NCOA2: variants seen among roughly 807,000 people sequenced by gnomAD.
NCOA2 encodes nuclear receptor coactivator 2.
A neutral mutation model predicts 145.1 loss-of-function variants in NCOA2; 21 were observed. That is an observed-to-expected ratio of 0.14 (90% CI 0.10 to 0.21). NCOA2 has a LOEUF of 0.21. Among genes scored for constraint, NCOA2 ranks in the 10% least tolerant of loss-of-function variants. The pLI, the probability that NCOA2 is intolerant of heterozygous loss-of-function variation, is 1.00. For missense variants in NCOA2, 1,472 were observed against 1,837.6 expected, an observed-to-expected ratio of 0.80 and a Z score of 3.64; for synonymous variants, 619 against 637.5, an observed-to-expected ratio of 0.97 and a Z score of 0.44.
the NCOA2 span, among the ~76,000 whole-genome samples, chr8:70,427,376 A>G: frequency 3.9e-5 from 6 of 152,378 alleles, no homozygotes; most frequent in African/African-American, 9.6e-5. Context: ...ATATCTGAGC[A>G]TAAGTAGGGA....
intron 1 of NCOA2, among the ~76,000 whole-genome samples, chr8:70,403,004 C>T (rs1448508795): frequency 1.4e-5 from 2 of 145,376 alleles, no homozygotes; most frequent in Admixed American, 1.4e-4. Flanking sequence ...GGGGCTGACA[C>T]GGGCCCGGGC....
chr8:70,258,321 T>C (rs1189975712), intron 2 of NCOA2, among the ~76,000 whole-genome samples: 1 of 152,240 alleles, frequency 6.6e-6, no homozygotes, highest in Non-Finnish European at 1.5e-5. Context: ...TTCATGTAAA[T>C]GAGACCCAAT....
intron 13 of NCOA2, among the ~76,000 whole-genome samples, chr8:70,144,340 T>TTTTA (rs776206288): frequency 9.9e-5 from 15 of 152,262 alleles, no homozygotes; most frequent in East Asian, 9.6e-4. Flanking sequence ...CCTGGAGTAA[T>TTTTA]TTTATATATA....
At chr8:70,210,155 CTG>C (rs946988186) in intron 4 of NCOA2, among the ~76,000 whole-genome samples, 7 of 152,208 alleles carry the variant, frequency 4.6e-5, no homozygotes, top group Admixed American at 2.0e-4. Flanking sequence ...CTTAACCACT[CTG>C]TGTCTCAGGT....
intron 22 of NCOA2, among the ~76,000 whole-genome samples, chr8:70,114,460 T>C (rs1034746670): frequency 6.6e-6 from 1 of 152,240 alleles, no homozygotes; most frequent in Non-Finnish European, 1.5e-5. Flanking sequence ...ATGATTTTCT[T>C]TGGCTACCGA....
At chr8:70,389,960 C>A (rs1234097006) in intron 1 of NCOA2, among the ~76,000 whole-genome samples, 1 of 152,158 alleles carries the variant, frequency 6.6e-6, no homozygotes, top group Non-Finnish European at 1.5e-5. Flanking sequence ...GCCACCATAT[C>A]CGGCCATTTC....
At chr8:70,453,577 C>A in the NCOA2 span, among the ~76,000 whole-genome samples, 40 of 152,330 alleles carry the variant, frequency 2.6e-4, no homozygotes, top group African/African-American at 9.4e-4. Context: ...TATTCCCCTT[C>A]TTTATTTTAA....
intron 15 of NCOA2, among the ~76,000 whole-genome samples, chr8:70,132,804 G>A (rs1395153074): frequency 3.3e-5 from 5 of 152,140 alleles, no homozygotes; most frequent in African/African-American, 9.7e-5. Context: ...GAGCTCAAGC[G>A]ATCCACCCAC....
intron 2 of NCOA2, among the ~76,000 whole-genome samples, chr8:70,265,669 A>C (rs1824506874): frequency 6.6e-6 from 1 of 152,192 alleles, no homozygotes; most frequent in Non-Finnish European, 1.5e-5. Context: ...GATGTCAGAG[A>C]CACTCAGTCC....
intron 1 of NCOA2, 109 bp downstream of exon 1, chr8:70,403,591 G>A: frequency 3.1e-6 from 1 of 320,200 alleles, no homozygotes; most frequent in African/African-American, 2.2e-5. Flanking sequence ...CGGCTCTGTC[G>A]GAGCTCGGCG....
intron 1 of NCOA2, among the ~76,000 whole-genome samples, chr8:70,374,796 TA>T (rs543953209): frequency 0.02 from 2,665 of 133,092 alleles, 61 homozygotes; most frequent in African/African-American, 0.057. Context: ...GCTGTCTCTT[TA>T]AAAAAAAAAA....
At chr8:70,349,493 T>C (rs764214233) in intron 1 of NCOA2, among the ~76,000 whole-genome samples, 4 of 152,062 alleles carry the variant, frequency 2.6e-5, no homozygotes, top group Non-Finnish European at 5.9e-5. Context: ...ATCATGTCAA[T>C]AGATGCAAAC....
chr8:70,400,745 G>C (rs765233169), intron 1 of NCOA2, among the ~76,000 whole-genome samples: 9 of 152,000 alleles, frequency 5.9e-5, no homozygotes, highest in Non-Finnish European at 1.3e-4. Context: ...TCCTGAATTG[G>C]GAATTCTCAT....
intron 1 of NCOA2, among the ~76,000 whole-genome samples, chr8:70,369,999 C>A (rs1811067199): frequency 6.6e-6 from 1 of 152,004 alleles, no homozygotes; most frequent in Non-Finnish European, 1.5e-5. Context: ...AATCCTCCAA[C>A]CTTAGCCTCC....
At chr8:70,135,237 A>T (rs572649490) in intron 15 of NCOA2, among the ~76,000 whole-genome samples, 2 of 152,224 alleles carry the variant, frequency 1.3e-5, no homozygotes, top group South Asian at 4.1e-4. Flanking sequence ...TTGGGGTGCC[A>T]CCCATCTCCT....
intron 2 of NCOA2, among the ~76,000 whole-genome samples, chr8:70,238,530 C>A (rs559268175): frequency 3.3e-5 from 5 of 152,216 alleles, no homozygotes; most frequent in Admixed American, 3.3e-4. Context: ...ACAATTCTTC[C>A]CATTGTCTAA....
chr8:70,143,194 C>T (rs758725022), intron 13 of NCOA2, among the ~76,000 whole-genome samples: 1 of 152,066 alleles, frequency 6.6e-6, no homozygotes, highest in Non-Finnish European at 1.5e-5. Context: ...GTCATCCACC[C>T]GCCTTGGCCT....
intron 2 of NCOA2, among the ~76,000 whole-genome samples, chr8:70,294,498 A>T (rs1158016052): frequency 6.6e-6 from 1 of 152,200 alleles, no homozygotes; most frequent in African/African-American, 2.4e-5. Flanking sequence ...GTAGAACTTA[A>T]ATAGTTTAGG....
chr8:70,304,643 TTTTTG>T (rs1353507084), intron 1 of NCOA2, among the ~76,000 whole-genome samples: 3 of 151,700 alleles, frequency 2.0e-5, no homozygotes, highest in Non-Finnish European at 2.9e-5. Flanking sequence ...TTTTTTTGTT[TTTTTG>T]TTTTGTTTTG....
Sources: gnomAD v4.1 joint callset for allele counts (sites outside exome capture counted in the v4.1 genomes callset) on GRCh38, gnomAD v4.1.1 for gene constraint, MANE v1.5 for transcripts, NCBI Gene and HGNC (gene_info 2026-07-23, HGNC 2026-07-21) for gene names.